PLCG2: variants seen among roughly 807,000 people sequenced by gnomAD.
The protein encoded by PLCG2 is 1-phosphatidylinositol 4,5-bisphosphate phosphodiesterase gamma-2.
PLCG2 carries 69 observed loss-of-function variants against 175.6 expected under a neutral mutation model. The observed-to-expected ratio is 0.39, with a 90% CI of 0.32 to 0.48. The LOEUF is 0.48. PLCG2 is among the 20% of genes least tolerant of loss of function. The pLI, the probability that PLCG2 is intolerant of heterozygous loss-of-function variation, is 0.91. For synonymous variants in PLCG2, 827 were observed against 624.0 expected (o/e 1.33, Z -4.85); for missense variants, 1,798 against 1,650.9 (o/e 1.09, Z -1.54).
At chr16:81,771,332 A>G (rs1345060855) in intron 2 of PLCG2, among the ~76,000 whole-genome samples, 1 of 152,130 alleles carries the variant, frequency 6.6e-6, no homozygotes, top group African/African-American at 2.4e-5. Flanking sequence ...TGCTCAAGGG[A>G]TCCTCCCATC....
intron 9 of PLCG2, 194 bp downstream of exon 9, chr16:81,883,535 A>T: frequency 1.7e-6 from 1 of 600,268 alleles, no homozygotes; most frequent in South Asian, 2.0e-5. Flanking sequence ...GTCTGATGCC[A>T]CTGAAACTCT....
intron 7 of PLCG2, among the ~76,000 whole-genome samples, chr16:81,872,990 A>T (rs1033514770): frequency 7.2e-5 from 11 of 152,242 alleles, no homozygotes; most frequent in African/African-American, 2.7e-4. Context: ...AGTTAGAGAA[A>T]TGGGAGGGCC....
intron 2 of PLCG2, among the ~76,000 whole-genome samples, chr16:81,823,640 C>T (rs1904904672): frequency 6.6e-6 from 1 of 152,124 alleles, no homozygotes; most frequent in African/African-American, 2.4e-5. Flanking sequence ...ATCTTCCCGC[C>T]TCAGTCTCTC....
At chr16:81,819,341 C>G (rs543015251) in intron 2 of PLCG2, among the ~76,000 whole-genome samples, 2 of 152,130 alleles carry the variant, frequency 1.3e-5, no homozygotes, top group Non-Finnish European at 1.5e-5. Flanking sequence ...ATTTTCAGAG[C>G]TCATTTCTGA....
At chr16:81,919,271 C>T (rs941590609) in intron 19 of PLCG2, among the ~76,000 whole-genome samples, 1 of 152,198 alleles carries the variant, frequency 6.6e-6, no homozygotes, top group Non-Finnish European at 1.5e-5. Flanking sequence ...GGCCATATTT[C>T]TTCTGAGACA....
intron 2 of PLCG2, among the ~76,000 whole-genome samples, chr16:81,818,610 C>T (rs1904655152): frequency 6.6e-6 from 1 of 152,064 alleles, no homozygotes; most frequent in Non-Finnish European, 1.5e-5. Flanking sequence ...GCTTCAGTGG[C>T]CTGAACAATA....
intron 2 of PLCG2, among the ~76,000 whole-genome samples, chr16:81,836,782 G>T (rs745734389): frequency 2.0e-5 from 3 of 152,194 alleles, no homozygotes; most frequent in Non-Finnish European, 4.4e-5. Context: ...TCAGGTTCAA[G>T]TTCTGGCTCA....
chr16:81,858,666 G>A (rs1221778766), intron 4 of PLCG2, among the ~76,000 whole-genome samples: 1 of 152,124 alleles, frequency 6.6e-6, no homozygotes, highest in Admixed American at 6.5e-5. Context: ...GATTTAATAA[G>A]AGATTCAGTG....
chr16:81,888,950 A>C (rs907771708), intron 9 of PLCG2, among the ~76,000 whole-genome samples: 2 of 152,140 alleles, frequency 1.3e-5, no homozygotes, highest in African/African-American at 2.4e-5. Context: ...TATGGCTCAG[A>C]GAGCCCAAAA....
At chr16:81,805,516 A>AC (rs1911961812) in intron 2 of PLCG2, among the ~76,000 whole-genome samples, 1 of 149,374 alleles carries the variant, frequency 6.7e-6, no homozygotes, top group African/African-American at 2.5e-5. Context: ...AAAAAAAAAA[A>AC]AACAAAACGC....
At chr16:81,873,017 G>A (rs1410365039) in intron 7 of PLCG2, among the ~76,000 whole-genome samples, 1 of 152,216 alleles carries the variant, frequency 6.6e-6, no homozygotes, top group East Asian at 1.9e-4. Context: ...TATCTGCCCA[G>A]ATTTGGGGAA....
chr16:81,778,056 A>C (rs1405651555), upstream of PLCG2, among the ~76,000 whole-genome samples: 1 of 103,936 alleles, frequency 9.6e-6, no homozygotes, highest in African/African-American at 4.5e-5. Flanking sequence ...AAAAAAAAAC[A>C]AAAAAAACCA....
chr16:81,946,371 G>A (rs1597150881), intron 31 of PLCG2, 108 bp downstream of exon 31: 1 of 788,844 alleles, frequency 1.3e-6, no homozygotes. Flanking sequence ...ATTCAGAATT[G>A]TCTAGCCCAA....
chr16:81,773,874 T>C (rs960107484), intron 2 of PLCG2, among the ~76,000 whole-genome samples: 2 of 152,074 alleles, frequency 1.3e-5, no homozygotes, highest in African/African-American at 4.8e-5. Context: ...CAAAGCCCCC[T>C]TTTTGTGTTC....
At chr16:81,868,153 C>A (rs1009929089) in intron 5 of PLCG2, among the ~76,000 whole-genome samples, 1 of 152,180 alleles carries the variant, frequency 6.6e-6, no homozygotes, top group Admixed American at 6.5e-5. Context: ...ATGTGACACC[C>A]CACCCTTGGC....
At chr16:81,881,724 A>C (rs1908089056) in intron 8 of PLCG2, among the ~76,000 whole-genome samples, 1 of 152,102 alleles carries the variant, frequency 6.6e-6, no homozygotes, top group Non-Finnish European at 1.5e-5. Context: ...GGCTCACTGC[A>C]ACCTCCACCT....
intron 3 of PLCG2, among the ~76,000 whole-genome samples, chr16:81,855,491 G>A (rs1340263712): frequency 2.6e-5 from 4 of 152,170 alleles, no homozygotes. Context: ...TTACTTTTCG[G>A]TCAAATAACT....
chr16:81,900,571 G>T lies in PLCG2; in HGVS notation c.1194-41G>T, dbSNP rs1373609624. On this transcript the variant is annotated intron_variant, in intron 13 of 32. Coordinates refer to ENST00000564138, the MANE Select transcript of PLCG2 (RefSeq NM_002661.5). ...CTCTGTGGGGCAGATGCAGAGGTGTGTGCTCCCCCTGCCGAGCTGCCCACC... is the reference window on the plus strand; with the variant it reads ...CTCTGTGGGGCAGATGCAGAGGTGTTTGCTCCCCCTGCCGAGCTGCCCACC... The T allele has an allele frequency of 5.8e-6, 9 of 1,545,550 alleles. No individual in the cohort carries two copies. The South Asian group carries it at 1.1e-4, about 19-fold the overall frequency.
At chr16:81,890,698 C>G (rs1387478264) in intron 10 of PLCG2, among the ~76,000 whole-genome samples, 1 of 152,106 alleles carries the variant, frequency 6.6e-6, no homozygotes, top group Non-Finnish European at 1.5e-5. Flanking sequence ...CATATGAGGT[C>G]GTTCTCACGC....
Sources: allele counts gnomAD v4.1 joint callset (sites outside exome capture counted in the v4.1 genomes callset), GRCh38; gene constraint gnomAD v4.1.1; transcripts MANE v1.5; gene names NCBI Gene and HGNC (gene_info 2026-07-23, HGNC 2026-07-21).